The following CLVS1 variants were observed in gnomAD, a reference collection of about 807,000 sequenced individuals.
CLVS1 encodes clavesin 1, also known as clavesin-1.
Under a neutral mutation model 33.1 loss-of-function variants are expected in CLVS1, and 10 were observed. The ratio of observed to expected loss-of-function variants is 0.30; its 90% CI spans 0.19 to 0.51. The LOEUF (loss-of-function observed/expected upper bound fraction) is 0.51, where lower values mean the gene tolerates loss of function less well. Ranked by LOEUF, CLVS1 falls within the 20% of genes least tolerant of loss-of-function variation. The probability of loss-of-function intolerance (pLI) is 0.97; values close to 1 mark genes in which losing one functional copy is unlikely to be tolerated. For missense variants in CLVS1, 343 were observed against 433.4 expected, an observed-to-expected ratio of 0.79 and a Z score of 1.85; for synonymous variants, 163 against 166.1, an observed-to-expected ratio of 0.98 and a Z score of 0.14.
chr8:61,396,234 A>T (rs1291554164), intron 3 of CLVS1, among the ~76,000 whole-genome samples: 1 of 152,218 alleles, frequency 6.6e-6, no homozygotes, highest in East Asian at 1.9e-4. Flanking sequence ...TAATTCATTC[A>T]CAAGTTTTCA....
intron 1 of CLVS1, among the ~76,000 whole-genome samples, chr8:61,099,811 A>G (rs753659871): frequency 6.6e-6 from 1 of 152,270 alleles, no homozygotes; most frequent in Non-Finnish European, 1.5e-5. Context: ...TACTGGGGAT[A>G]TAAACACACA....
chr8:61,458,429 C>A lies in CLVS1; in HGVS notation c.864C>A (p.Leu288=). ...TGGGAACTTGGGCCCGGACGTTACT[C>A]GGTCCCGACTACAGCGATGAAAATG... ...YDMGTWARTL[L]GPDYSDENDY... The change falls in exon 5 of 6, where the codon CTC becomes CTA. Residue 288 remains leucine, a synonymous_variant. Coordinates refer to ENST00000325897, the MANE Select transcript of CLVS1 (RefSeq NM_173519.3). The A allele has an allele frequency of 6.2e-7, 1 of 1,614,036 alleles. No individual in the cohort carries two copies. Among genetic ancestry groups the A allele is most frequent in the Non-Finnish European group, 8.5e-7 (1 of 1,179,980 alleles).
intron 3 of CLVS1, among the ~76,000 whole-genome samples, chr8:61,436,783 T>C (rs2129605846): frequency 6.6e-6 from 1 of 152,290 alleles, no homozygotes; most frequent in Non-Finnish European, 1.5e-5. Context: ...ACAACTCCTG[T>C]AGGGGTGCAG....
At chr8:61,031,942 T>G in the CLVS1 span, among the ~76,000 whole-genome samples, 1 of 152,154 alleles carries the variant, frequency 6.6e-6, no homozygotes, top group Admixed American at 6.5e-5. Flanking sequence ...TTTTCTGGAT[T>G]GGATAAAAGG....
intron 1 of CLVS1, among the ~76,000 whole-genome samples, chr8:61,296,497 C>T (rs1280787672): frequency 6.6e-6 from 1 of 152,176 alleles, no homozygotes; most frequent in Non-Finnish European, 1.5e-5. Flanking sequence ...GTGCCTTGTG[C>T]TTTAAGCACT....
chr8:61,250,309 T>A (rs2129591563), intron 2 of CLVS1, among the ~76,000 whole-genome samples: 1 of 152,354 alleles, frequency 6.6e-6, no homozygotes, highest in South Asian at 2.1e-4. Flanking sequence ...CATGCTGTTT[T>A]GGTTACTGTT....
At chr8:61,251,594 T>G (rs1274627598) in intron 2 of CLVS1, among the ~76,000 whole-genome samples, 1 of 152,172 alleles carries the variant, frequency 6.6e-6, no homozygotes, top group Non-Finnish European at 1.5e-5. Flanking sequence ...TTTCAGAACT[T>G]GTTATAGGTC....
chr8:61,078,886 A>G (rs1446251581), intron 1 of CLVS1, among the ~76,000 whole-genome samples: 1 of 152,228 alleles, frequency 6.6e-6, no homozygotes, highest in Admixed American at 6.5e-5. Context: ...CTATTACCTT[A>G]TTATATAATG....
intron 1 of CLVS1, among the ~76,000 whole-genome samples, chr8:61,074,489 G>GTA (rs933944492): frequency 9.6e-5 from 14 of 146,494 alleles, no homozygotes; most frequent in African/African-American, 2.0e-4. Flanking sequence ...AAGTATATGT[G>GTA]TATATATATA....
chr8:61,455,705 A>G (rs968494517), intron 4 of CLVS1, among the ~76,000 whole-genome samples: 1 of 152,130 alleles, frequency 6.6e-6, no homozygotes, highest in Non-Finnish European at 1.5e-5. Context: ...ACCACTCCTT[A>G]TGGGAACCTG....
At chr8:61,475,346 T>C (rs1817882600) in intron 5 of CLVS1, among the ~76,000 whole-genome samples, 1 of 152,218 alleles carries the variant, frequency 6.6e-6, no homozygotes, top group Non-Finnish European at 1.5e-5. Context: ...GTATTTCTAG[T>C]TCTAGATCCC....
chr8:61,191,276 A>G (rs904334071), intron 2 of CLVS1, among the ~76,000 whole-genome samples: 9 of 152,228 alleles, frequency 5.9e-5, no homozygotes, highest in South Asian at 4.1e-4. Context: ...GACAAAAACC[A>G]CATGATTATC....
the CLVS1 span, among the ~76,000 whole-genome samples, chr8:60,986,473 CTT>C: frequency 1.3e-5 from 2 of 152,208 alleles, no homozygotes; most frequent in Admixed American, 1.3e-4. Context: ...ATTCCATACT[CTT>C]TGACTTTTGG....
chr8:61,252,676 C>T (rs1010100664), intron 2 of CLVS1, among the ~76,000 whole-genome samples: 9 of 152,164 alleles, frequency 5.9e-5, no homozygotes, highest in African/African-American at 2.2e-4. Context: ...ATGTAATGCC[C>T]TTCTTTGTCT....
chr8:61,074,391 T>C lies in CLVS1; in HGVS notation c.-243+17161T>C, dbSNP rs1804863146. ...ATATATATATAAGTATATGTGTATA[T>C]ATATATGTTATATATATATAAGTAT... On this transcript the variant is annotated intron_variant, in intron 1 of 2. Coordinates refer to the CLVS1 transcript ENST00000522621. 5.9e-5 allele frequency among the ~76,000 whole-genome samples: 5 copies of C among 84,344 alleles called. 1 individual carries two copies. In the East Asian group the frequency reaches 2.2e-3, roughly 37 times the overall value. 55.3% of individuals were successfully genotyped at this position (84,344 alleles called of 152,430 possible). A position where few individuals can be genotyped will look rare whatever the true frequency, so the allele number is the denominator to read the frequency against.
chr8:61,059,087 C>T (rs1317756250), intron 1 of CLVS1, among the ~76,000 whole-genome samples: 1 of 152,090 alleles, frequency 6.6e-6, no homozygotes, highest in Admixed American at 6.6e-5. Flanking sequence ...GGTCAAACAG[C>T]AGCTGTACAC....
chr8:61,373,670 GT>G (rs1446577401), intron 2 of CLVS1, among the ~76,000 whole-genome samples: 3 of 152,210 alleles, frequency 2.0e-5, no homozygotes, highest in Admixed American at 2.0e-4. Flanking sequence ...AGTATTTGCT[GT>G]GAAATTCAAT....
At chr8:61,249,270 A>G (rs1808884405) in intron 2 of CLVS1, among the ~76,000 whole-genome samples, 1 of 152,176 alleles carries the variant, frequency 6.6e-6, no homozygotes, top group Non-Finnish European at 1.5e-5. Flanking sequence ...TTATGGCCGT[A>G]TAGTATTCCT....
intron 1 of CLVS1, among the ~76,000 whole-genome samples, chr8:61,063,348 G>C (rs6988327): frequency 0.042 from 6,395 of 150,838 alleles, 459 homozygotes; most frequent in African/African-American, 0.15. Flanking sequence ...GGGTGAAATG[G>C]CTGTTGGTAA....
Sources: gnomAD v4.1 joint callset for allele counts (sites outside exome capture counted in the v4.1 genomes callset) on GRCh38, gnomAD v4.1.1 for gene constraint, MANE v1.5 for transcripts, NCBI Gene and HGNC (gene_info 2026-07-23, HGNC 2026-07-21) for gene names.